The following FANCA variants were observed in gnomAD, a reference collection of about 807,000 sequenced individuals.
The protein encoded by FANCA is FA complementation group A, also known as Fanconi anemia group A protein.
FANCA carries 236 observed loss-of-function variants against 194.3 expected under a neutral mutation model. The ratio of observed to expected loss-of-function variants is 1.21; its 90% CI spans 1.09 to 1.35. FANCA has a LOEUF of 1.35. FANCA is among the 40% of genes most tolerant of loss of function. The pLI, the probability that FANCA is intolerant of heterozygous loss-of-function variation, is 0.00. For missense variants in FANCA, 2,628 were observed against 1,813.9 expected, an observed-to-expected ratio of 1.45 and a Z score of -8.15; for synonymous variants, 1,014 against 715.8, an observed-to-expected ratio of 1.42 and a Z score of -6.65.
intron 27 of FANCA, 54 bp downstream of exon 27, chr16:89,767,087 G>A (rs2039154176): frequency 7.0e-7 from 1 of 1,419,156 alleles, no homozygotes; most frequent in Non-Finnish European, 1.0e-6. Flanking sequence ...TCCGAAAGCT[G>A]CGTAAACCTG....
chr16:89,806,491 C>G (rs981855421), intron 6 of FANCA, among the ~76,000 whole-genome samples: 3 of 151,620 alleles, frequency 2.0e-5, no homozygotes, highest in African/African-American at 7.3e-5. Flanking sequence ...GCAGAGGACC[C>G]TGAGGCCTTC....
chr16:89,750,774 C>G (rs1598078902), intron 31 of FANCA, among the ~76,000 whole-genome samples: 1 of 150,928 alleles, frequency 6.6e-6, no homozygotes, highest in Non-Finnish European at 1.5e-5. Flanking sequence ...AACAAACAGA[C>G]AAAACAAAAC....
intron 14 of FANCA, among the ~76,000 whole-genome samples, chr16:89,790,220 G>A (rs1352561722): frequency 6.6e-6 from 1 of 151,798 alleles, no homozygotes; most frequent in African/African-American, 2.4e-5. Flanking sequence ...TGACCAACAT[G>A]ATGAAACCCT....
intron 1 of FANCA, chr16:89,816,207 G>A (rs1361878352): frequency 1.8e-6 from 1 of 546,430 alleles, no homozygotes; most frequent in Admixed American, 2.8e-5. Context: ...AGGGGAGCCC[G>A]GGGACGGCTG....
chr16:89,763,868 G>C (rs941198823), intron 28 of FANCA, among the ~76,000 whole-genome samples: 4 of 151,558 alleles, frequency 2.6e-5, no homozygotes, highest in African/African-American at 9.7e-5. Context: ...GAGAGGCAGA[G>C]GCTGCAGTGA....
At chr16:89,766,447 C>A (rs182855420) in intron 27 of FANCA, among the ~76,000 whole-genome samples, 1 of 152,024 alleles carries the variant, frequency 6.6e-6, no homozygotes, top group African/African-American at 2.4e-5. Context: ...CAGCGGCTCA[C>A]GCCTGTAATC....
chr16:89,802,919 A>G (rs2040506368), intron 8 of FANCA, among the ~76,000 whole-genome samples: 1 of 152,184 alleles, frequency 6.6e-6, no homozygotes, highest in South Asian at 2.1e-4. Context: ...GAACGAAGAG[A>G]GTTGGTTAAT....
chr16:89,741,037 A>G (rs2062120457), intron 37 of FANCA, 171 bp from the exon 38 acceptor site: 1 of 658,166 alleles, frequency 1.5e-6, no homozygotes, highest in African/African-American at 1.8e-5. Flanking sequence ...CTTAATTGAG[A>G]ATTAATTACT....
chr16:89,807,005 G>C (rs9927395), intron 6 of FANCA, among the ~76,000 whole-genome samples: 1 of 151,816 alleles, frequency 6.6e-6, no homozygotes, highest in African/African-American at 2.4e-5. Context: ...CCTCCCGGAC[G>C]GGGCGGCTGT....
intron 30 of FANCA, among the ~76,000 whole-genome samples, chr16:89,755,267 G>C (rs1479107569): frequency 6.6e-6 from 1 of 151,588 alleles, no homozygotes; most frequent in African/African-American, 2.4e-5. Context: ...CTGGAGTGCA[G>C]TGGCACAATC....
rs2040740023 is a variant in FANCA at position 89,808,270 on chromosome 16, A to G, written c.596+24T>C. The G allele has an allele frequency of 4.3e-6, 7 of 1,610,114 alleles. No homozygotes were observed. The African/African-American group carries it at 9.4e-5, about 22-fold the overall frequency. ...TAGACTAGACTGCAAAAACAGTAACACTGAATCATCATTAGCACGCTACCT... is the reference window on the plus strand; with the variant it reads ...TAGACTAGACTGCAAAAACAGTAACGCTGAATCATCATTAGCACGCTACCT... On this transcript the variant is annotated intron_variant, in intron 6 of 42. Transcript: ENST00000389301.
rs755871523 is a variant in FANCA, at chr16:89,782,839, C to T, written c.1626+20G>A. The T allele has an allele frequency of 1.2e-6, 2 of 1,610,344 alleles. No individual in the cohort carries two copies. Among genetic ancestry groups the T allele is most frequent in the South Asian group, 2.2e-5 (2 of 91,004 alleles). On this transcript the variant is annotated intron_variant, in intron 17 of 42. Transcript: ENST00000389301. The stretch of plus-strand genomic sequence containing the variant: ...GTGGGCGTGACTGGCTGAGACCCTG[C>T]AGGGCTCAAGCAACATTACCTCAGT...
Position 89,738,307 on chromosome 16 carries a change from C to A in FANCA, c.*294G>T. 6.5e-7 allele frequency: 1 copy of A among 1,529,794 alleles called. No individual in the cohort carries two copies. Among genetic ancestry groups the A allele is most frequent in the Admixed American group, 2.0e-5 (1 of 50,408 alleles). 94.8% of individuals were successfully genotyped at this position (1,529,794 alleles called of 1,614,324 possible). On this transcript the variant is annotated 3_prime_UTR_variant, in exon 43 of 43. Coordinates refer to ENST00000389301, the MANE Select transcript of FANCA (RefSeq NM_000135.4). ...GACTCCGCAGTGGCTGTGTCAGCCT[C>A]ACCCTTCGTGTGCACCCGCATGGGA... is the stretch of plus-strand genomic sequence containing the variant.
rs74033866 is a variant in FANCA at position 89,772,195 on chromosome 16, C to T, written c.2015-381G>A. ...AAATGGGCCACACATAGCCCAACTA[C>T]ATCATTTAAAGGTGAAAACCGCTTT... On this transcript the variant is annotated intron_variant, in intron 22 of 42. Transcript: ENST00000389301. Among the ~76,000 whole-genome samples the T allele has an allele frequency of 7.6e-3, 1,157 of 152,330 alleles. 16 individuals are homozygous for T. Among genetic ancestry groups the T allele is most frequent in the African/African-American group, 0.026 (1,095 of 41,576 alleles).
At chr16:89,790,113 G>C (rs939310753) in intron 14 of FANCA, among the ~76,000 whole-genome samples, 5 of 152,186 alleles carry the variant, frequency 3.3e-5, no homozygotes, top group African/African-American at 1.2e-4. Context: ...GAAAATTAGA[G>C]ACGCAAGGCT....
chr16:89,792,151 G>T (rs1040861204), intron 12 of FANCA, 83 bp from the exon 13 acceptor site: 5 of 1,525,456 alleles, frequency 3.3e-6, no homozygotes, highest in Non-Finnish European at 4.5e-6. Flanking sequence ...CCCAGCCGGT[G>T]GCCACCGCAG....
intron 5 of FANCA, 28 bp downstream of exon 5, chr16:89,810,679 A>C (rs2040842665): frequency 1.4e-6 from 2 of 1,394,138 alleles, no homozygotes; most frequent in African/African-American, 2.8e-5. Context: ...GGAACACTGG[A>C]GAGTCAGATT....
intron 24 of FANCA, 60 bp downstream of exon 24, chr16:89,770,504 C>T (rs1359783256): frequency 1.2e-5 from 18 of 1,490,212 alleles, no homozygotes; most frequent in Non-Finnish European, 1.7e-5. Flanking sequence ...GCAGACTTGG[C>T]CCAGCAAGAG....
intron 26 of FANCA, among the ~76,000 whole-genome samples, chr16:89,768,274 C>T (rs2039198719): frequency 6.6e-6 from 1 of 152,198 alleles, no homozygotes; most frequent in Admixed American, 6.5e-5. Flanking sequence ...GAAAAATTCT[C>T]ACTTGTAACC....
Sources: allele counts gnomAD v4.1 joint callset (sites outside exome capture counted in the v4.1 genomes callset), GRCh38; gene constraint gnomAD v4.1.1; transcripts MANE v1.5; gene names NCBI Gene and HGNC (gene_info 2026-07-23, HGNC 2026-07-21).